DCC: variants seen among roughly 807,000 people sequenced by gnomAD.
The protein encoded by DCC is DCC netrin 1 receptor, also known as netrin receptor DCC.
In DCC, 58 loss-of-function variants were observed where a neutral mutation model predicts 172.5. The ratio of observed to expected loss-of-function variants is 0.34; its 90% CI spans 0.27 to 0.42. The LOEUF is 0.42. Among genes scored for constraint, DCC ranks in the 10% least tolerant of loss-of-function variants. The probability of loss-of-function intolerance (pLI) is 1.00; values close to 1 mark genes in which losing one functional copy is unlikely to be tolerated. For missense variants in DCC, 1,740 were observed against 1,791.0 expected (o/e 0.97, Z 0.51); for synonymous variants, 709 against 644.5 (o/e 1.10, Z -1.52).
chr18:53,224,290 G>A (rs994687265), intron 12 of DCC, among the ~76,000 whole-genome samples: 2 of 152,148 alleles, frequency 1.3e-5, no homozygotes, highest in Non-Finnish European at 2.9e-5. Flanking sequence ...TATTTCAAGT[G>A]ATGCCAACAA....
At chr18:52,502,059 T>C (rs1353965418) in intron 1 of DCC, among the ~76,000 whole-genome samples, 1 of 152,124 alleles carries the variant, frequency 6.6e-6, no homozygotes, top group Non-Finnish European at 1.5e-5. Flanking sequence ...TGAGAAACTG[T>C]GAAATCCTGC....
chr18:52,954,205 AT>A (rs2040703844), intron 5 of DCC, among the ~76,000 whole-genome samples: 1 of 152,188 alleles, frequency 6.6e-6, no homozygotes, highest in South Asian at 2.1e-4. Flanking sequence ...CACAACCCAA[AT>A]ACCATGAGAA....
At chr18:53,104,188 A>G (rs1203661840) in intron 7 of DCC, among the ~76,000 whole-genome samples, 1 of 151,962 alleles carries the variant, frequency 6.6e-6, no homozygotes, top group Non-Finnish European at 1.5e-5. Context: ...ATAGAGCTTT[A>G]ACTCTGGGCT....
At chr18:52,627,054 G>T (rs778016844) in intron 1 of DCC, among the ~76,000 whole-genome samples, 2 of 151,932 alleles carry the variant, frequency 1.3e-5, no homozygotes, top group African/African-American at 4.8e-5. Context: ...TTTATTTCAG[G>T]GTTATGATCT....
intron 1 of DCC, among the ~76,000 whole-genome samples, chr18:52,673,321 G>A (rs1360593010): frequency 1.3e-5 from 2 of 152,030 alleles, no homozygotes; most frequent in Non-Finnish European, 2.9e-5. Flanking sequence ...TGTTTCCTTA[G>A]TCTCATTTGG....
chr18:52,831,014 G>A (rs1481970994), intron 2 of DCC, among the ~76,000 whole-genome samples: 4 of 152,128 alleles, frequency 2.6e-5, no homozygotes, highest in Non-Finnish European at 4.4e-5. Context: ...GCAAGTCTCG[G>A]TATTAGTAGG....
At chr18:52,571,745 C>A (rs2033298859) in intron 1 of DCC, among the ~76,000 whole-genome samples, 1 of 152,164 alleles carries the variant, frequency 6.6e-6, no homozygotes. Context: ...ACCAGGGACT[C>A]AGCTTCAAGC....
chr18:53,450,535 A>T lies in DCC; in HGVS notation c.3265A>T (p.Ser1089Cys). Residue 1089 changes from serine to cysteine, a missense_variant, in exon 23 of 29, where the codon AGT becomes TGT. Transcript: ENST00000442544. The stretch of plus-strand genomic sequence containing the variant: ...TGGACAAATGCACCCCCCGCATGGC[A>T]GTGTCACTCCTCAGAAGAACAGCAA... ...PIGQMHPPHG[S>C]VTPQKNSNLL... 6.2e-7 allele frequency: 1 copy of T among 1,613,986 alleles called. No homozygotes were observed. Among genetic ancestry groups the T allele is most frequent in the Non-Finnish European group, 8.5e-7 (1 of 1,179,980 alleles).
chr18:52,579,003 A>G (rs1424106716), intron 1 of DCC, among the ~76,000 whole-genome samples: 3 of 152,120 alleles, frequency 2.0e-5, no homozygotes, highest in Non-Finnish European at 2.9e-5. Context: ...TAGAAAAGAA[A>G]TCAGGTTGTT....
chr18:53,089,577 A>G (rs929123537), intron 7 of DCC, among the ~76,000 whole-genome samples: 3 of 106,128 alleles, frequency 2.8e-5, no homozygotes, highest in Admixed American at 2.5e-4. Context: ...CCTCCTAACT[A>G]AAAAAAAAAC....
rs7242480 is a variant in DCC at position 52,943,835 on chromosome 18, C to T, written c.985+18465C>T. On this transcript the variant is annotated intron_variant, in intron 5 of 28. Transcript: ENST00000442544. ...TGTGATCTTGGCTCACTGTAGCTTC[C>T]GCCTCCTGGGTTCAAGTGATTCTCC... 4.5e-3 allele frequency among the ~76,000 whole-genome samples: 683 copies of T among 152,142 alleles called. 13 individuals are homozygous for T. Among genetic ancestry groups the T allele is most frequent in the East Asian group, 0.027 (137 of 5,168 alleles).
intron 1 of DCC, among the ~76,000 whole-genome samples, chr18:52,415,547 G>T (rs1232517637): frequency 1.3e-5 from 2 of 152,166 alleles, no homozygotes; most frequent in African/African-American, 4.8e-5. Context: ...CTAGAGGAGG[G>T]AGGAGGCCTT....
chr18:52,788,691 C>T (rs909117602), intron 2 of DCC, among the ~76,000 whole-genome samples: 3 of 152,090 alleles, frequency 2.0e-5, no homozygotes, highest in Admixed American at 6.5e-5. Context: ...TTTTCATTTG[C>T]CAGTTTCTTA....
At chr18:53,023,371 A>G (rs887261212) in intron 5 of DCC, among the ~76,000 whole-genome samples, 2 of 149,318 alleles carry the variant, frequency 1.3e-5, no homozygotes, top group African/African-American at 4.9e-5. Context: ...AAATAAAAAT[A>G]AAAAGGACAA....
chr18:53,487,704 C>G (rs1290786500), intron 26 of DCC, among the ~76,000 whole-genome samples: 1 of 152,020 alleles, frequency 6.6e-6, no homozygotes, highest in African/African-American at 2.4e-5. Context: ...CAAACAGGGA[C>G]AGCTCTAAGA....
rs887221024 is a variant in DCC, at chr18:52,955,672, A to G, written c.985+30302A>G. Among the ~76,000 whole-genome samples, 3 of 152,242 alleles carry G rather than the reference A, an allele frequency of 2.0e-5. No homozygotes were observed. In the East Asian group the frequency reaches 5.8e-4, roughly 29 times the overall value. ...CATTTTGCATTCCCACCAATAATGA[A>G]TAAGAGTTCCTCTTGCTCCACAACC... On this transcript the variant is annotated intron_variant, in intron 5 of 28. Coordinates refer to ENST00000442544, the MANE Select transcript of DCC (RefSeq NM_005215.4).
intron 1 of DCC, among the ~76,000 whole-genome samples, chr18:52,488,261 T>C (rs924264815): frequency 1.7e-4 from 26 of 152,166 alleles, no homozygotes; most frequent in African/African-American, 4.8e-4. Flanking sequence ...TAATTGTCTG[T>C]AGTTCCAAAT....
At chr18:52,368,592 C>T (rs1944277711) in intron 1 of DCC, among the ~76,000 whole-genome samples, 1 of 152,162 alleles carries the variant, frequency 6.6e-6, no homozygotes, top group Non-Finnish European at 1.5e-5. Context: ...CTGAGACTTA[C>T]AAGTGGTCCC....
chr18:52,970,439 A>G (rs2041011856), intron 5 of DCC, among the ~76,000 whole-genome samples: 2 of 152,176 alleles, frequency 1.3e-5, no homozygotes. Flanking sequence ...ACTCAAAATT[A>G]TCACATAATA....
Sources: allele counts gnomAD v4.1 joint callset (sites outside exome capture counted in the v4.1 genomes callset), GRCh38; gene constraint gnomAD v4.1.1; transcripts MANE v1.5; gene names NCBI Gene and HGNC (gene_info 2026-07-23, HGNC 2026-07-21).